Variants in ANTXR2 observed in about 807,000 individuals in gnomAD.
ANTXR2 encodes anthrax toxin receptor 2.
ANTXR2 carries 44 observed loss-of-function variants against 73.7 expected under a neutral mutation model. The observed-to-expected ratio is 0.60, with a 90% CI of 0.47 to 0.77. ANTXR2 has a LOEUF of 0.77. Ranked by LOEUF, ANTXR2 falls within the 30% of genes least tolerant of loss-of-function variation. ANTXR2 has a pLI of 0.00. For missense variants in ANTXR2, 604 were observed against 592.5 expected, an observed-to-expected ratio of 1.02 and a Z score of -0.20; for synonymous variants, 217 against 205.9, an observed-to-expected ratio of 1.05 and a Z score of -0.46.
chr4:79,920,484 C>G (rs1370900559), intron 16 of ANTXR2, among the ~76,000 whole-genome samples: 1 of 152,040 alleles, frequency 6.6e-6, no homozygotes, highest in Non-Finnish European at 1.5e-5. Flanking sequence ...AAATCTGAAT[C>G]AGAGTAAGAG....
At chr4:79,983,056 G>A (rs935185560) in intron 14 of ANTXR2, among the ~76,000 whole-genome samples, 7 of 151,988 alleles carry the variant, frequency 4.6e-5, no homozygotes, top group Non-Finnish European at 1.0e-4. Flanking sequence ...AATAGGAAAC[G>A]TGCAACAATG....
At chr4:80,062,883 G>A (rs1307942115) in intron 3 of ANTXR2, among the ~76,000 whole-genome samples, 3 of 151,988 alleles carry the variant, frequency 2.0e-5, no homozygotes, top group Admixed American at 6.6e-5. Context: ...ACATCTGCTC[G>A]AATCCTGATA....
chr4:79,908,683 T>A (rs560705218), intron 16 of ANTXR2, among the ~76,000 whole-genome samples: 1 of 152,326 alleles, frequency 6.6e-6, no homozygotes, highest in East Asian at 1.9e-4. Context: ...TTTGTGTTAA[T>A]GTCTACAAAT....
chr4:79,936,007 C>T (rs1728245063), intron 16 of ANTXR2, among the ~76,000 whole-genome samples: 1 of 152,112 alleles, frequency 6.6e-6, no homozygotes, highest in Non-Finnish European at 1.5e-5. Flanking sequence ...CAAAAGAGCA[C>T]CTTAAACTAT....
chr4:79,974,181 A>T (rs1173517895), intron 16 of ANTXR2, among the ~76,000 whole-genome samples: 1 of 152,218 alleles, frequency 6.6e-6, no homozygotes, highest in Non-Finnish European at 1.5e-5. Flanking sequence ...CTCTCATGGG[A>T]TGCCACACTG....
At chr4:79,934,558 C>T (rs1375788413) in intron 16 of ANTXR2, among the ~76,000 whole-genome samples, 1 of 149,290 alleles carries the variant, frequency 6.7e-6, no homozygotes, top group Non-Finnish European at 1.5e-5. Flanking sequence ...AAAAAAAACA[C>T]CAAACCTATC....
At chr4:79,973,801 G>A (rs556440228) in intron 16 of ANTXR2, among the ~76,000 whole-genome samples, 3 of 152,286 alleles carry the variant, frequency 2.0e-5, no homozygotes, top group East Asian at 3.9e-4. Flanking sequence ...TGTGGGGGAT[G>A]GGGGTGAAGA....
intron 16 of ANTXR2, among the ~76,000 whole-genome samples, chr4:79,909,959 T>C (rs964099578): frequency 6.6e-6 from 1 of 152,176 alleles, no homozygotes; most frequent in Non-Finnish European, 1.5e-5. Flanking sequence ...CATAATAGCA[T>C]GCTCAAATAT....
At chr4:80,047,752 A>C (rs1413075746) in intron 7 of ANTXR2, among the ~76,000 whole-genome samples, 2 of 151,728 alleles carry the variant, frequency 1.3e-5, no homozygotes, top group African/African-American at 2.4e-5. Context: ...CTAAACAAGG[A>C]ATGAGGCAAA....
At chr4:79,913,908 G>A (rs1273382555) in intron 16 of ANTXR2, among the ~76,000 whole-genome samples, 2 of 152,150 alleles carry the variant, frequency 1.3e-5, no homozygotes, top group Admixed American at 6.5e-5. Flanking sequence ...GATTTTGTCT[G>A]TGCTAAAAAT....
intron 1 of ANTXR2, 86 bp from the exon 2 acceptor site, chr4:80,071,740 C>CTATGTTCGTGGCATT: frequency 9.1e-7 from 1 of 1,095,192 alleles, no homozygotes; most frequent in Non-Finnish European, 1.4e-6. Context: ...TTCAATGCCA[C>CTATGTTCGTGGCATT]GAACATAGGG....
chr4:80,014,472 A>G (rs749375185), intron 11 of ANTXR2, among the ~76,000 whole-genome samples: 6 of 152,068 alleles, frequency 3.9e-5, no homozygotes, highest in Non-Finnish European at 8.8e-5. Flanking sequence ...AAGCTGAGGC[A>G]TGAGAATTGC....
intron 7 of ANTXR2, among the ~76,000 whole-genome samples, chr4:80,037,925 T>G (rs1192558180): frequency 1.3e-5 from 2 of 152,152 alleles, no homozygotes; most frequent in East Asian, 3.9e-4. Flanking sequence ...AAATCTATTT[T>G]GTCTGTCATC....
intron 16 of ANTXR2, among the ~76,000 whole-genome samples, chr4:79,909,489 AT>A (rs1241177290): frequency 1.3e-5 from 2 of 152,090 alleles, no homozygotes; most frequent in Non-Finnish European, 2.9e-5. Flanking sequence ...CCAGACCTAA[AT>A]TATTTATTTC....
At chr4:80,017,007 C>T (rs930940062) in intron 11 of ANTXR2, among the ~76,000 whole-genome samples, 1 of 152,248 alleles carries the variant, frequency 6.6e-6, no homozygotes, top group Non-Finnish European at 1.5e-5. Context: ...TGCTGCTACT[C>T]GCAAAGTCTG....
At chr4:79,912,493 A>C (rs1727184784) in intron 16 of ANTXR2, among the ~76,000 whole-genome samples, 1 of 152,080 alleles carries the variant, frequency 6.6e-6, no homozygotes, top group Admixed American at 6.6e-5. Context: ...CTTCTAAAGA[A>C]TACTGTTTTA....
At chr4:80,001,334 A>C in intron 12 of ANTXR2, among the ~76,000 whole-genome samples, 1 of 110,602 alleles carries the variant, frequency 9.0e-6, no homozygotes, top group Admixed American at 1.2e-4. Flanking sequence ...ACCCCACAAC[A>C]GTCCCCAGAG....
At chr4:79,925,917 C>A (rs1421130853) in intron 16 of ANTXR2, among the ~76,000 whole-genome samples, 2 of 151,986 alleles carry the variant, frequency 1.3e-5, no homozygotes, top group Admixed American at 1.3e-4. Context: ...AAGCATTTTT[C>A]TTTGGTTGCT....
chr4:79,948,059 T>C (rs1037658430), intron 16 of ANTXR2, among the ~76,000 whole-genome samples: 3 of 152,138 alleles, frequency 2.0e-5, no homozygotes, highest in Non-Finnish European at 2.9e-5. Flanking sequence ...GGAAAAAATA[T>C]GTAAGATGGA....
Sources: gnomAD v4.1 joint callset for allele counts (sites outside exome capture counted in the v4.1 genomes callset) on GRCh38, gnomAD v4.1.1 for gene constraint, MANE v1.5 for transcripts, NCBI Gene and HGNC (gene_info 2026-07-23, HGNC 2026-07-21) for gene names.